COL6A3: variants seen among roughly 807,000 people sequenced by gnomAD.
COL6A3 encodes the protein collagen type VI alpha 3 chain.
Under a neutral mutation model 274.1 loss-of-function variants are expected in COL6A3, and 137 were observed. That is an observed-to-expected ratio of 0.50 (90% CI 0.44 to 0.58). COL6A3 has a LOEUF of 0.58. COL6A3 is among the 20% of genes least tolerant of loss of function. The probability of loss-of-function intolerance (pLI) is 0.00; values close to 1 mark genes in which losing one functional copy is unlikely to be tolerated. For synonymous variants in COL6A3, 1,650 were observed against 1,650.6 expected (o/e 1.00, Z 0.01); for missense variants, 3,950 against 4,124.9 (o/e 0.96, Z 1.16).
In COL6A3 at chr2:237,341,084, G is replaced by T. The variant is rs114806654; in HGVS notation, c.7832C>A (p.Ala2611Glu). The change falls in exon 38 of 44, where the codon GCG (alanine) becomes GAG (glutamate). Residue 2611 changes from alanine to glutamate, a missense_variant. Transcript: ENST00000295550. ...SWRPSFRDRR[A>E]AGSDVDIDMA... is the part of the protein sequence containing the mutation. ...GTCGATGTCCACATCGCTCCCTGCC[G>T]CTCTCCTGTCCCTGAAGGAAGGCCT... 3 of 1,614,134 alleles carry T rather than the reference G, an allele frequency of 1.9e-6. No individual in the cohort carries two copies. Among genetic ancestry groups the T allele is most frequent in the Non-Finnish European group, 2.5e-6 (3 of 1,180,020 alleles).
rs182066602 is a variant in COL6A3, at chr2:237,356,120, G to A, written c.6592-1186C>T. Among the ~76,000 whole-genome samples, 95 of 152,274 alleles carry A rather than the reference G, an allele frequency of 6.2e-4. No homozygotes were observed. In the Middle Eastern group the frequency reaches 0.01, roughly 16 times the overall value. On this transcript the variant is annotated intron_variant, in intron 23 of 43. Coordinates refer to ENST00000295550, the MANE Select transcript of COL6A3 (RefSeq NM_004369.4). ...TCCTCAAGAGCCCGTGACTGAAACC[G>A]AATTCAAATCCAGTTTCTACCTTGT...
chr2:237,374,871 C>T lies in COL6A3; in HGVS notation c.3220G>A (p.Asp1074Asn), dbSNP rs778403814. The stretch of plus-strand genomic sequence containing the variant: ...AGGTAGAACTCGGGCCTGGTCCGGT[C>T]GCTGTACTGCACCACGGCCACGCGG... ...RVRVAVVQYSDRTRPEFYLNS... is the reference protein window; with the variant it reads ...RVRVAVVQYSNRTRPEFYLNS... Residue 1074 changes from aspartate to asparagine, a missense_variant, in exon 8 of 44, where the codon GAC becomes AAC. By Grantham distance (23) the Asp-to-Asn change is conservative. Around this residue, in one of 5 missense-constraint regions of COL6A3, gnomAD observed 1,934 missense variants for 1,984.3 expected, o/e 0.97. Coordinates refer to ENST00000295550, the MANE Select transcript of COL6A3 (RefSeq NM_004369.4). This position sits in a 1 kb window ranked among gnomAD's most constrained non-coding sequence, Gnocchi z 4.8. 4.3e-6 allele frequency: 7 copies of T among 1,613,870 alleles called. No homozygotes were observed. Among genetic ancestry groups the T allele is most frequent in the Middle Eastern group, 3.3e-4 (2 of 6,084 alleles).
At chr2:237,395,794 A>G (rs1043054173) in intron 2 of COL6A3, among the ~76,000 whole-genome samples, 1 of 152,374 alleles carries the variant, frequency 6.6e-6, no homozygotes, top group African/African-American at 2.4e-5. Flanking sequence ...TTTTTTGAGC[A>G]TGAACAAACT....
intron 3 of COL6A3, among the ~76,000 whole-genome samples, chr2:237,389,783 T>C (rs894228661): frequency 3.9e-5 from 6 of 152,254 alleles, no homozygotes; most frequent in African/African-American, 1.4e-4. Flanking sequence ...GCTATCACAA[T>C]CCTTCTTATA....
rs1234167823 is a variant in COL6A3, at chr2:237,344,332, C to T, written c.7668+18G>A. ...CCAGAAGAAAGGGAGATGCCAACAGCACGCACAGAGCACAGACCTGCAAAG... is the reference window on the plus strand; with the variant it reads ...CCAGAAGAAAGGGAGATGCCAACAGTACGCACAGAGCACAGACCTGCAAAG... On this transcript the variant is annotated intron_variant, in intron 36 of 43. Coordinates refer to ENST00000295550, the MANE Select transcript of COL6A3 (RefSeq NM_004369.4). The surrounding 1 kb of genome is among the most constrained non-coding windows in gnomAD (Gnocchi z 4.8). 35 of 1,614,010 alleles carry T rather than the reference C, an allele frequency of 2.2e-5. No homozygotes were observed. Among genetic ancestry groups the T allele is most frequent in the Non-Finnish European group, 2.9e-5 (34 of 1,180,040 alleles).
chr2:237,356,108 G>A (rs774290932), intron 23 of COL6A3, among the ~76,000 whole-genome samples: 1 of 152,210 alleles, frequency 6.6e-6, no homozygotes, highest in African/African-American at 2.4e-5. Context: ...TCAAGAGCCC[G>A]TGACTGAAAC....
At chr2:237,393,262 CTT>C (rs2078339134) in intron 3 of COL6A3, among the ~76,000 whole-genome samples, 1 of 152,224 alleles carries the variant, frequency 6.6e-6, no homozygotes, top group Non-Finnish European at 1.5e-5. Context: ...CACCCACTGA[CTT>C]GTAATCTCTG....
intron 9 of COL6A3, among the ~76,000 whole-genome samples, chr2:237,369,502 A>T (rs2077634403): frequency 6.6e-6 from 1 of 152,248 alleles, no homozygotes; most frequent in South Asian, 2.1e-4. Flanking sequence ...GGCTACCGTA[A>T]TCTACAGAAT....
chr2:237,335,155 AG>A (rs1347024567), intron 40 of COL6A3, among the ~76,000 whole-genome samples: 2 of 152,214 alleles, frequency 1.3e-5, no homozygotes, highest in Middle Eastern at 3.2e-3. Context: ...CCTGTTAAGA[AG>A]ATACTTTGGA....
chr2:237,405,988 A>T (rs2078709408), intron 1 of COL6A3, among the ~76,000 whole-genome samples: 1 of 152,124 alleles, frequency 6.6e-6, no homozygotes, highest in Admixed American at 6.5e-5. Flanking sequence ...AGATTCAATA[A>T]GAGACATTCA....
At chr2:237,406,059 A>G (rs998186946) in intron 1 of COL6A3, among the ~76,000 whole-genome samples, 2 of 152,072 alleles carry the variant, frequency 1.3e-5, no homozygotes, top group Admixed American at 6.5e-5. Flanking sequence ...ACTCTGCCTC[A>G]TTCTAAAAAG....
At position 237,342,084 on chromosome 2, in the gene COL6A3, G is replaced by A. The variant is rs751294512; in HGVS notation, c.7746C>T (p.Leu2582=). 19 of 1,614,062 alleles carry A rather than the reference G, an allele frequency of 1.2e-5. No individual in the cohort carries two copies. The highest frequency in any genetic ancestry group is 2.7e-5 in the African/African-American group (2 of 74,930). The change falls in exon 37 of 44, where the codon CTC becomes CTT. Residue 2582 remains leucine (L), a synonymous_variant. Coordinates refer to ENST00000295550, the MANE Select transcript of COL6A3 (RefSeq NM_004369.4). ...RDLTDFLENV[L]TCHVCLDICN... ...GCTTACCCAAGCAAACATGACACGTGAGGACATTCTCCAGGAAGTCTGTGA... is the reference window on the plus strand; with the variant it reads ...GCTTACCCAAGCAAACATGACACGTAAGGACATTCTCCAGGAAGTCTGTGA...
intron 38 of COL6A3, 69 bp from the exon 39 acceptor site, chr2:237,339,186 C>A (rs756660487): frequency 8.9e-7 from 1 of 1,123,734 alleles, no homozygotes; most frequent in South Asian, 1.3e-5. Context: ...ATTAATCTGT[C>A]AACAAGTTAA....
Position 237,395,089 on chromosome 2 carries a change from T to C in COL6A3, c.207A>G (p.Leu69=). ...REFLYDVVKS[L]AVGENDFHFA... is the part of the protein sequence containing the mutation. ...AATGGAAATCATTTTCTCCCACAGC[T>C]AAGGATTTTACAACATCATATAGAA... The change falls in exon 3 of 44, where the codon TTA becomes TTG. Residue 69 remains leucine, a synonymous_variant. Transcript: ENST00000295550. 6.2e-7 allele frequency: 1 copy of C among 1,614,150 alleles called. No individual in the cohort carries two copies.
In COL6A3 at chr2:237,413,996, C is replaced by G. The variant is rs1391573570; in HGVS notation, c.-74G>C. On this transcript the variant is annotated 5_prime_UTR_variant, in exon 1 of 44. Transcript: ENST00000295550. The surrounding 1 kb of genome is among the most constrained non-coding windows in gnomAD (Gnocchi z 4.0). ...GCGTGTGTCCCTGGGCTCCTCGATT[C>G]AATTAGGTTTGAATAGGATGCATAC... The G allele has an allele frequency of 2.0e-5, 3 of 152,208 alleles. No homozygotes were observed. Among genetic ancestry groups the G allele is most frequent in the Non-Finnish European group, 4.4e-5 (3 of 68,042 alleles). The allele number at this position is 152,208 out of a possible 1,614,324, so 9.4% of individuals were successfully genotyped here.
rs2078757801 is a variant in COL6A3, at chr2:237,407,808, A to C, written c.-31+6145T>G. ...GCCAGACAAGATTTTGTCTGCACTT[A>C]TACTGCTAATTATAAACATCAGGCA... On this transcript the variant is annotated intron_variant, in intron 1 of 43. Transcript: ENST00000295550. The surrounding 1 kb of genome is among the most constrained non-coding windows in gnomAD (Gnocchi z 4.3). Among the ~76,000 whole-genome samples, 1 of 152,236 alleles carries C rather than the reference A, an allele frequency of 6.6e-6. No individual in the cohort carries two copies.
Position 237,377,270 on chromosome 2 carries a change from A to G in COL6A3, c.2572T>C (p.Phe858Leu). Residue 858 changes from phenylalanine to leucine, a missense_variant, in exon 7 of 44, where the codon TTT becomes CTT. Coordinates refer to ENST00000295550, the MANE Select transcript of COL6A3 (RefSeq NM_004369.4). The part of the protein sequence containing the change: ...LVGQFPVVRD[F>L]LYKIIDELNV... ...AGCTCATCGATAATCTTGTAGAGAAAGTCACGGACAACAGGGAACTGGCCC... is the reference window on the plus strand; with the variant it reads ...AGCTCATCGATAATCTTGTAGAGAAGGTCACGGACAACAGGGAACTGGCCC... The G allele has an allele frequency of 6.2e-7, 1 of 1,607,406 alleles. No homozygotes were observed.
Position 237,340,767 on chromosome 2 carries a change from T to C in COL6A3, c.8149A>G (p.Ser2717Gly). The part of the protein sequence containing the change: ...TQLQGTRALG[S>G]AIEYTIENVF... ...TTCTCTATGGTGTATTCAATGGCAC[T>C]GCCTAAGGCCCTGGTTCCCTGCAAC... The change falls in exon 38 of 44, where the codon AGT (serine) becomes GGT (glycine). Residue 2717 changes from serine (S) to glycine (G), a missense_variant. This residue lies in a region of COL6A3 where 1,284 missense variants were observed against 1,349.7 expected (regional missense o/e 0.95). Transcript: ENST00000295550. 6.2e-7 allele frequency: 1 copy of C among 1,614,186 alleles called. No homozygotes were observed. The highest frequency in any genetic ancestry group is 8.5e-7 in the Non-Finnish European group (1 of 1,180,046).
At chr2:237,346,702 G>T in intron 31 of COL6A3, 137 bp from the exon 32 acceptor site, 1 of 763,530 alleles carries the variant, frequency 1.3e-6, no homozygotes, top group Non-Finnish European at 2.2e-6. Context: ...CTTTAAGGGA[G>T]CTAAAATGTC....
Sources: gnomAD v4.1 joint callset for allele counts (sites outside exome capture counted in the v4.1 genomes callset) on GRCh38, gnomAD v4.1.1 for gene constraint, gnomAD v4.1.1 regional missense constraint, Gnocchi (gnomAD v3.1) non-coding constraint, MANE v1.5 for transcripts, NCBI Gene and HGNC (gene_info 2026-07-23, HGNC 2026-07-21) for gene names.